Variants in MSRA observed in about 807,000 individuals in gnomAD.
The protein encoded by MSRA is mitochondrial peptide methionine sulfoxide reductase.
In MSRA, 54 loss-of-function variants were observed where a neutral mutation model predicts 31.3. The observed-to-expected ratio is 1.73, with a 90% CI of 1.39 to 2.17. The LOEUF (loss-of-function observed/expected upper bound fraction) is 2.17. MSRA is among the 30% of genes most tolerant of loss of function. The probability of loss-of-function intolerance (pLI) is 0.00; values close to 1 mark genes in which losing one functional copy is unlikely to be tolerated. For synonymous variants in MSRA, 169 were observed against 116.5 expected (o/e 1.45, Z -2.90); for missense variants, 507 against 300.9 (o/e 1.69, Z -5.07).
chr8:10,292,590 G>T (rs1325521114), intron 3 of MSRA, among the ~76,000 whole-genome samples: 5 of 152,240 alleles, frequency 3.3e-5, no homozygotes, highest in African/African-American at 1.2e-4. Flanking sequence ...TGACTCAGTG[G>T]AGGAGCCCTG....
intron 3 of MSRA, among the ~76,000 whole-genome samples, chr8:10,266,789 G>A (rs992406734): frequency 6.6e-6 from 1 of 152,110 alleles, no homozygotes; most frequent in Admixed American, 6.5e-5. Flanking sequence ...ATAGCAAAAG[G>A]CACATATTGG....
intron 1 of MSRA, among the ~76,000 whole-genome samples, chr8:10,189,454 C>A (rs897091252): frequency 6.6e-6 from 1 of 152,216 alleles, no homozygotes; most frequent in South Asian, 2.1e-4. Flanking sequence ...CGGTCTGTTA[C>A]CATAAAGTAT....
chr8:10,382,973 G>A (rs932949943), intron 5 of MSRA, among the ~76,000 whole-genome samples: 2 of 152,216 alleles, frequency 1.3e-5, no homozygotes, highest in African/African-American at 4.8e-5. Flanking sequence ...TGCAGTGCTG[G>A]ATGTGAGAGG....
At chr8:10,283,277 A>G (rs922734318) in intron 3 of MSRA, among the ~76,000 whole-genome samples, 5 of 152,032 alleles carry the variant, frequency 3.3e-5, no homozygotes, top group Non-Finnish European at 7.4e-5. Context: ...TGGATCCTGC[A>G]TTTTGTCATA....
At chr8:10,055,170 T>TGAAA (rs55789087) in intron 1 of MSRA, among the ~76,000 whole-genome samples, 149,435 of 152,170 alleles carry the variant, frequency 0.98, 73,428 homozygotes, top group Non-Finnish European at 1. Context: ...GTGTTCTGGC[T>TGAAA]GAGTCACCCC....
intron 2 of MSRA, among the ~76,000 whole-genome samples, chr8:10,224,676 A>T (rs546590475): frequency 6.6e-6 from 1 of 152,122 alleles, no homozygotes; most frequent in Non-Finnish European, 1.5e-5. Context: ...CCACATTTCT[A>T]AGAAATCTGA....
intron 2 of MSRA, among the ~76,000 whole-genome samples, chr8:10,223,595 G>C (rs1810715107): frequency 6.6e-6 from 1 of 152,172 alleles, no homozygotes; most frequent in Non-Finnish European, 1.5e-5. Context: ...GGAATGAACA[G>C]ATCGTCAGTG....
At chr8:10,162,663 C>T (rs1258830158) in intron 1 of MSRA, among the ~76,000 whole-genome samples, 1 of 152,102 alleles carries the variant, frequency 6.6e-6, no homozygotes, top group African/African-American at 2.4e-5. Flanking sequence ...TCATTTAGTG[C>T]CCACGATTTC....
chr8:10,389,790 CTT>C (rs55769720), intron 5 of MSRA, among the ~76,000 whole-genome samples: 2,335 of 123,400 alleles, frequency 0.019, 49 homozygotes, highest in African/African-American at 0.071. Context: ...GAAACTTACT[CTT>C]TTTTTTTTTT....
chr8:10,387,686 G>T (rs1806479672), intron 5 of MSRA, among the ~76,000 whole-genome samples: 1 of 152,208 alleles, frequency 6.6e-6, no homozygotes, highest in Non-Finnish European at 1.5e-5. Context: ...ATGTCTCGGA[G>T]CTGCTCTTGG....
chr8:10,231,625 G>A (rs980871740), intron 2 of MSRA, among the ~76,000 whole-genome samples: 62 of 152,334 alleles, frequency 4.1e-4, no homozygotes, highest in African/African-American at 1.4e-3. Flanking sequence ...GAAAAGGGTC[G>A]GGTGCAGTGG....
chr8:10,420,595 A>C, intron 5 of MSRA, among the ~76,000 whole-genome samples: 1 of 152,012 alleles, frequency 6.6e-6, no homozygotes, highest in East Asian at 1.9e-4. Flanking sequence ...CTCTTTCCAT[A>C]TGGTCTCGGA....
At chr8:10,175,338 T>C (rs942506936) in intron 1 of MSRA, among the ~76,000 whole-genome samples, 1 of 152,242 alleles carries the variant, frequency 6.6e-6, no homozygotes, top group Non-Finnish European at 1.5e-5. Context: ...TGAAGTATAT[T>C]GGTCTTATCT....
At chr8:10,134,627 G>A (rs1362901480) in intron 1 of MSRA, among the ~76,000 whole-genome samples, 1 of 152,164 alleles carries the variant, frequency 6.6e-6, no homozygotes, top group Non-Finnish European at 1.5e-5. Context: ...TTCTGTGGAC[G>A]GCAGACCAGG....
At chr8:10,096,029 G>A in intron 1 of MSRA, 4 of 1,458,046 alleles carry the variant, frequency 2.7e-6, no homozygotes, top group East Asian at 2.5e-5. Flanking sequence ...ACATCCTTCG[G>A]AATGTGTTCA....
intron 2 of MSRA, among the ~76,000 whole-genome samples, chr8:10,235,319 T>A (rs1392185138): frequency 6.6e-6 from 1 of 152,040 alleles, no homozygotes; most frequent in Non-Finnish European, 1.5e-5. Context: ...AATTCATGGA[T>A]TAAGAAGGAA....
intron 1 of MSRA, among the ~76,000 whole-genome samples, chr8:10,089,059 C>G (rs1313337425): frequency 4.6e-5 from 7 of 151,962 alleles, no homozygotes; most frequent in Non-Finnish European, 1.0e-4. Context: ...AATGAGAGAT[C>G]TAATGTACAT....
intron 2 of MSRA, among the ~76,000 whole-genome samples, chr8:10,213,638 A>G (rs992559618): frequency 6.6e-6 from 1 of 151,812 alleles, no homozygotes; most frequent in African/African-American, 2.4e-5. Context: ...GGGTTTCACC[A>G]TGTTAGCCAG....
intron 5 of MSRA, among the ~76,000 whole-genome samples, chr8:10,400,038 G>C (rs1807351166): frequency 6.6e-6 from 1 of 152,162 alleles, no homozygotes; most frequent in East Asian, 1.9e-4. Context: ...GATTGTTTAG[G>C]GACTAGCAGC....
Sources: gnomAD v4.1 joint callset for allele counts (sites outside exome capture counted in the v4.1 genomes callset) on GRCh38, gnomAD v4.1.1 for gene constraint, MANE v1.5 for transcripts, NCBI Gene and HGNC (gene_info 2026-07-23, HGNC 2026-07-21) for gene names.